The following ANKRD52 variants were observed in gnomAD, a reference collection of about 807,000 sequenced individuals.
ANKRD52 encodes ankyrin repeat domain 52.
In ANKRD52, 7 loss-of-function variants were observed where a neutral mutation model predicts 116.0. That is an observed-to-expected ratio of 0.06 (90% CI 0.03 to 0.11). ANKRD52 has a LOEUF of 0.11. ANKRD52 is among the 10% of genes least tolerant of loss of function. ANKRD52 has a pLI of 1.00. For missense variants in ANKRD52, 839 were observed against 1,408.6 expected (o/e 0.60, Z 6.47); for synonymous variants, 528 against 578.1 (o/e 0.91, Z 1.24).
rs1482730434 is a variant in ANKRD52 at position 56,255,679 on chromosome 12, G to A, written c.462+105C>T. On this transcript the variant is annotated intron_variant, in intron 5 of 27. Coordinates refer to ENST00000267116, the MANE Select transcript of ANKRD52 (RefSeq NM_173595.4). The surrounding 1 kb of genome is among the most constrained non-coding windows in gnomAD (Gnocchi z 4.3). ...AGCTTAAGTGTTTATATAACCATCC[G>A]GGCTGCTTCTCCTTCAGGCTTGAGG... is the stretch of plus-strand genomic sequence containing the variant. The A allele has an allele frequency of 1.4e-5, 15 of 1,060,542 alleles. No homozygotes were observed. The highest frequency in any genetic ancestry group is 1.2e-4 in the South Asian group (8 of 64,186). 65.7% of individuals were successfully genotyped at this position (1,060,542 alleles called of 1,614,324 possible). A position where few individuals can be genotyped will look rare whatever the true frequency, so the allele number is the denominator to read the frequency against.
Position 56,254,339 on chromosome 12 carries a change from A to G in ANKRD52, c.694-60T>C, listed in dbSNP as rs1326588194. ...GTTTAAACAAAGTAGAAGCCAGCAC[A>G]TGTAGCCTCCAGATCCCAGAAATCC... On this transcript the variant is annotated intron_variant, in intron 7 of 27. Coordinates refer to ENST00000267116, the MANE Select transcript of ANKRD52 (RefSeq NM_173595.4). This position sits in a 1 kb window ranked among gnomAD's most constrained non-coding sequence, Gnocchi z 4.6. The G allele has an allele frequency of 6.4e-7, 1 of 1,554,188 alleles. No individual in the cohort carries two copies. The highest frequency in any genetic ancestry group is 8.8e-7 in the Non-Finnish European group (1 of 1,135,304).
chr12:56,243,451 C>T lies in ANKRD52; in HGVS notation c.2981-59G>A. Reference sequence around the variant, plus strand: ...GTCCTGTATCCTAGCCAGCCTCCCCCAAGCCCTGAAGTCTCTTCTCTGTGG... The same window carrying T: ...GTCCTGTATCCTAGCCAGCCTCCCCTAAGCCCTGAAGTCTCTTCTCTGTGG... On this transcript the variant is annotated intron_variant, in intron 27 of 27. Transcript: ENST00000267116. This position sits in a 1 kb window ranked among gnomAD's most constrained non-coding sequence, Gnocchi z 4.6. 1 of 1,553,094 alleles carries T rather than the reference C, an allele frequency of 6.4e-7. No individual in the cohort carries two copies. Among genetic ancestry groups the T allele is most frequent in the Non-Finnish European group, 8.7e-7 (1 of 1,146,420 alleles).
rs2135879202 is a variant in ANKRD52 at position 56,245,255 on chromosome 12, CTT to C, written c.2405-67_2405-66del. Reference sequence around the variant, plus strand: ...GCAAGGTTCCCTGTCTGTCCTGTGTCTTGACACTCCATTCCACTTCCAGATTC... The same window carrying C: ...GCAAGGTTCCCTGTCTGTCCTGTGTCGACACTCCATTCCACTTCCAGATTC... On this transcript the variant is annotated intron_variant, in intron 21 of 27. Coordinates refer to ENST00000267116, the MANE Select transcript of ANKRD52 (RefSeq NM_173595.4). 6 of 1,603,732 alleles carry C rather than the reference CTT, an allele frequency of 3.7e-6. No homozygotes were observed. In the Admixed American group the frequency reaches 1.0e-4, roughly 27 times the overall value.
At position 56,253,418 on chromosome 12, in the gene ANKRD52, C is replaced by G; in HGVS notation, c.986-16G>C. On this transcript the variant is annotated splice_polypyrimidine_tract_variant and intron_variant, in intron 9 of 27. Coordinates refer to ENST00000267116, the MANE Select transcript of ANKRD52 (RefSeq NM_173595.4). The surrounding 1 kb of genome is among the most constrained non-coding windows in gnomAD (Gnocchi z 5.5). ...ATCTCGCTGCCTGTGAGGGGATGCACACACACAAGCTCAGGCAGACCTCAG... is the reference window on the plus strand; with the variant it reads ...ATCTCGCTGCCTGTGAGGGGATGCAGACACACAAGCTCAGGCAGACCTCAG... 6.3e-7 allele frequency: 1 copy of G among 1,596,168 alleles called. No individual in the cohort carries two copies.
chr12:56,243,782 C>T lies in ANKRD52; in HGVS notation c.2980+3G>A. 1 of 1,554,574 alleles carries T rather than the reference C, an allele frequency of 6.4e-7. No homozygotes were observed. Among genetic ancestry groups the T allele is most frequent in the Non-Finnish European group, 8.7e-7 (1 of 1,148,576 alleles). On this transcript the variant is annotated splice_donor_region_variant and intron_variant, in intron 27 of 27. Transcript: ENST00000267116. The surrounding 1 kb of genome is among the most constrained non-coding windows in gnomAD (Gnocchi z 4.6). ...GAGGCATGGGGCCCCAGACCCCACC[C>T]ACCTTCTTCATCCACAGCCAGCACT...
At position 56,243,056 on chromosome 12, in the gene ANKRD52, T is replaced by G; in HGVS notation, c.*86A>C. On this transcript the variant is annotated 3_prime_UTR_variant, in exon 28 of 28. Transcript: ENST00000267116. This position sits in a 1 kb window ranked among gnomAD's most constrained non-coding sequence, Gnocchi z 4.6. ...CCCCCTCCACCCAGTCGTGTTCTCC[T>G]TTAAAGTGCCCTAAATGTTTAGACT... The G allele has an allele frequency of 3.0e-5, 43 of 1,433,342 alleles. No homozygotes were observed. Among genetic ancestry groups the G allele is most frequent in the East Asian group, 5.1e-5 (2 of 39,052 alleles). 88.8% of individuals were successfully genotyped at this position (1,433,342 alleles called of 1,614,324 possible). A position where few individuals can be genotyped will look rare whatever the true frequency, so the allele number is the denominator to read the frequency against.
At position 56,254,212 on chromosome 12, in the gene ANKRD52, A is replaced by G; in HGVS notation, c.761T>C (p.Val254Ala). 6.2e-7 allele frequency: 1 copy of G among 1,613,974 alleles called. No individual in the cohort carries two copies. Among genetic ancestry groups the G allele is most frequent in the Non-Finnish European group, 8.5e-7 (1 of 1,179,888 alleles). Residue 254 changes from valine (V) to alanine (A), a missense_variant, in exon 8 of 28, where the codon GTG (valine) becomes GCG (alanine). Transcript: ENST00000267116. This position sits in a 1 kb window ranked among gnomAD's most constrained non-coding sequence, Gnocchi z 4.6. ...TCCGGCATTCACCAGCTCAATAGCC[A>G]CAGCATCCTGGCCCAGGTAGCAGGC... is the stretch of plus-strand genomic sequence containing the variant. ...HIACYLGQDA[V>A]AIELVNAGAN... is the part of the protein sequence containing the mutation.
rs373648287 is a variant in ANKRD52, at chr12:56,257,864, A to G, written c.75T>C (p.Arg25=). ...AIFSRDVEEV[R]SLLSQKENIN... is the part of the protein sequence containing the mutation. ...TGTTCTCCTTCTGCGAGAGTAGGGA[A>G]CGCACTTCCTCCACATCTCGGCTAA... The change falls in exon 2 of 28, where the codon CGT becomes CGC. Residue 25 remains arginine, a synonymous_variant. Coordinates refer to ENST00000267116, the MANE Select transcript of ANKRD52 (RefSeq NM_173595.4). 4.3e-6 allele frequency: 7 copies of G among 1,612,800 alleles called. No individual in the cohort carries two copies. The highest frequency in any genetic ancestry group is 5.9e-6 in the Non-Finnish European group (7 of 1,179,606).
In ANKRD52 at chr12:56,252,503, T is replaced by G. The variant is rs552293805; in HGVS notation, c.1369A>C (p.Arg457=). 3 of 1,613,538 alleles carry G rather than the reference T, an allele frequency of 1.9e-6. No individual in the cohort carries two copies. The highest frequency in any genetic ancestry group is 2.5e-6 in the Non-Finnish European group (3 of 1,179,448). Residue 457 remains arginine, a splice_region_variant and synonymous_variant, in exon 13 of 28, where the codon AGG becomes CGG. Transcript: ENST00000267116. The surrounding 1 kb of genome is among the most constrained non-coding windows in gnomAD (Gnocchi z 4.7). ...ADLRRRDKFG[R]TPLHYAAANG... ...GTTTACCCCTGCATATTAGCATACC[T>G]GCCAAATTTGTCCCTCCTCCTCAAG...
intron 3 of ANKRD52, 36 bp downstream of exon 3, chr12:56,257,247 C>G (rs557012497): frequency 1.5e-5 from 24 of 1,568,498 alleles, no homozygotes; most frequent in Admixed American, 1.1e-4. Context: ...TCCCTTCGCT[C>G]CCTATGTGCC....
chr12:56,256,546 A>G (rs1871963313), intron 4 of ANKRD52, among the ~76,000 whole-genome samples: 1 of 152,174 alleles, frequency 6.6e-6, no homozygotes, highest in Non-Finnish European at 1.5e-5. Flanking sequence ...TGAACTGAGG[A>G]GGAGGTCCCC....
At position 56,242,984 on chromosome 12, in the gene ANKRD52, G is replaced by A. The variant is rs1871229480; in HGVS notation, c.*158C>T. 3 of 1,098,482 alleles carry A rather than the reference G, an allele frequency of 2.7e-6. No homozygotes were observed. The highest frequency in any genetic ancestry group is 3.2e-5 in the African/African-American group (2 of 63,202). 68.0% of individuals were successfully genotyped at this position (1,098,482 alleles called of 1,614,324 possible). ...CAGACCCCTGCCAGGCCAAGATGGT[G>A]TGGCAAAGGGGTGAGCAGCTGCTCC... is the stretch of plus-strand genomic sequence containing the variant. On this transcript the variant is annotated 3_prime_UTR_variant, in exon 28 of 28. Coordinates refer to ENST00000267116, the MANE Select transcript of ANKRD52 (RefSeq NM_173595.4). The surrounding 1 kb of genome is among the most constrained non-coding windows in gnomAD (Gnocchi z 4.3).
chr12:56,241,753 TG>T lies in ANKRD52; in HGVS notation c.*1388del, dbSNP rs1246669587. 2.7e-6 allele frequency: 1 copy of T among 373,190 alleles called. No individual in the cohort carries two copies. The highest frequency in any genetic ancestry group is 4.7e-6 in the Non-Finnish European group (1 of 210,562). 23.1% of individuals were successfully genotyped at this position (373,190 alleles called of 1,614,324 possible). A position where few individuals can be genotyped will look rare whatever the true frequency, so the allele number is the denominator to read the frequency against. ...CTGTCCAGGAGGCTGCACTAGGAGA[TG>T]GGTGGACAGAGCACTTAAAGGGACC... On this transcript the variant is annotated 3_prime_UTR_variant, in exon 28 of 28. Coordinates refer to ENST00000267116, the MANE Select transcript of ANKRD52 (RefSeq NM_173595.4).
At position 56,254,920 on chromosome 12, in the gene ANKRD52, G is replaced by A; in HGVS notation, c.495C>T (p.Ser165=). Residue 165 remains serine (S), a synonymous_variant, in exon 6 of 28, where the codon AGC becomes AGT. Coordinates refer to ENST00000267116, the MANE Select transcript of ANKRD52 (RefSeq NM_173595.4). The surrounding 1 kb of genome is among the most constrained non-coding windows in gnomAD (Gnocchi z 4.6). ...GCTCCTTTTTGTCACAGACATTCAGGCTGGCTCCCTTGTTGAGGAGCAGGT... is the reference window on the plus strand; with the variant it reads ...GCTCCTTTTTGTCACAGACATTCAGACTGGCTCCCTTGTTGAGGAGCAGGT... ...TVNLLLNKGA[S]LNVCDKKERQ... is the part of the protein sequence containing the mutation. 1 of 1,613,424 alleles carries A rather than the reference G, an allele frequency of 6.2e-7. No individual in the cohort carries two copies. The highest frequency in any genetic ancestry group is 8.5e-7 in the Non-Finnish European group (1 of 1,179,402).
At chr12:56,246,963 ATAATAATAAT>A (rs1382801860) in intron 20 of ANKRD52, among the ~76,000 whole-genome samples, 1 of 145,746 alleles carries the variant, frequency 6.9e-6, no homozygotes, top group South Asian at 2.1e-4. Flanking sequence ...AATAATAATA[ATAATAATAAT>A]AAACAAAGCA....
chr12:56,251,738 CAAAAAAAA>C (rs11286294), intron 15 of ANKRD52, among the ~76,000 whole-genome samples: 1 of 83,586 alleles, frequency 1.2e-5, no homozygotes, highest in South Asian at 4.5e-4. Flanking sequence ...ACTCTGTCTC[CAAAAAAAA>C]AAAAAAAAAA....
chr12:56,243,105 T>C lies in ANKRD52; in HGVS notation c.*37A>G. On this transcript the variant is annotated 3_prime_UTR_variant, in exon 28 of 28. Coordinates refer to ENST00000267116, the MANE Select transcript of ANKRD52 (RefSeq NM_173595.4). The surrounding 1 kb of genome is among the most constrained non-coding windows in gnomAD (Gnocchi z 4.6). ...CTTTTTCTAAATAAATAGAATTAGA[T>C]ATCAAGCCACCGGCGGGGGAGGGAC... The C allele has an allele frequency of 6.5e-7, 1 of 1,550,244 alleles. No individual in the cohort carries two copies. Among genetic ancestry groups the C allele is most frequent in the South Asian group, 1.2e-5 (1 of 83,924 alleles).
rs1592393767 is a variant in ANKRD52, at chr12:56,252,707, C to A, written c.1301+73G>T. On this transcript the variant is annotated intron_variant, in intron 12 of 27. Coordinates refer to ENST00000267116, the MANE Select transcript of ANKRD52 (RefSeq NM_173595.4). This position sits in a 1 kb window ranked among gnomAD's most constrained non-coding sequence, Gnocchi z 4.7. ...TTGTGAGAGGGGGAATAGATCTGGG[C>A]AGGCAAGAATGAGGGGCCCAGACCT... 2.6e-6 allele frequency: 4 copies of A among 1,555,802 alleles called. No homozygotes were observed. In the East Asian group the frequency reaches 9.0e-5, roughly 35 times the overall value.
In ANKRD52 at chr12:56,241,850, G is replaced by C. The variant is rs999614564; in HGVS notation, c.*1292C>G. The C allele has an allele frequency of 1.8e-5, 7 of 397,262 alleles. No individual in the cohort carries two copies. The highest frequency in any genetic ancestry group is 1.4e-4 in the African/African-American group (7 of 48,604). The allele number at this position is 397,262 out of a possible 1,614,324, so 24.6% of individuals were successfully genotyped here. ...TCACTCCAGCCCAGTTTGGCTTTTG[G>C]GGTGCGACTTTAGAAATCTTATCAG... On this transcript the variant is annotated 3_prime_UTR_variant, in exon 28 of 28. Transcript: ENST00000267116.
Sources: allele counts gnomAD v4.1 joint callset (sites outside exome capture counted in the v4.1 genomes callset), GRCh38; gene constraint gnomAD v4.1.1; non-coding constraint Gnocchi (gnomAD v3.1); transcripts MANE v1.5; gene names NCBI Gene and HGNC (gene_info 2026-07-23, HGNC 2026-07-21).